Variants in UTP18 observed in about 807,000 individuals in gnomAD.
UTP18 encodes the protein U3 small nucleolar RNA-associated protein 18 homolog.
A neutral mutation model predicts 61.1 loss-of-function variants in UTP18; 36 were observed. The ratio of observed to expected loss-of-function variants is 0.59; its 90% CI spans 0.45 to 0.78. UTP18 has a LOEUF of 0.78. UTP18 is among the 30% of genes least tolerant of loss of function. UTP18 has a pLI of 0.00. For synonymous variants in UTP18, 282 were observed against 251.1 expected (o/e 1.12, Z -1.16); for missense variants, 753 against 693.9 (o/e 1.09, Z -0.96).
At chr17:51,260,992 C>T (rs1486944709) in intron 1 of UTP18, 66 bp downstream of exon 1, 1 of 1,341,950 alleles carries the variant, frequency 7.5e-7, no homozygotes, top group Non-Finnish European at 9.6e-7. Context: ...CGGTGAAGCT[C>T]CGGGGGGCGG....
At chr17:51,271,689 A>G (rs2144405615) in intron 4 of UTP18, among the ~76,000 whole-genome samples, 1 of 152,122 alleles carries the variant, frequency 6.6e-6, no homozygotes, top group Admixed American at 6.5e-5. Flanking sequence ...TTATTTTTTG[A>G]GTTAGTCTTG....
At chr17:51,295,655 T>G (rs1006507719) in intron 12 of UTP18, among the ~76,000 whole-genome samples, 2 of 152,346 alleles carry the variant, frequency 1.3e-5, no homozygotes, top group East Asian at 1.9e-4. Context: ...CTTTGTTCTT[T>G]TGGCTTAGGA....
At chr17:51,284,109 A>G (rs565553305) in intron 9 of UTP18, among the ~76,000 whole-genome samples, 2 of 152,246 alleles carry the variant, frequency 1.3e-5, no homozygotes, top group Non-Finnish European at 2.9e-5. Context: ...GATCCTATTC[A>G]GTTTTCCCAA....
chr17:51,278,717 C>T (rs373205291), intron 7 of UTP18, among the ~76,000 whole-genome samples: 17 of 152,310 alleles, frequency 1.1e-4, no homozygotes, highest in Admixed American at 4.6e-4. Flanking sequence ...TACCTCATCA[C>T]GTAATGATAT....
chr17:51,291,667 G>A (rs779845450), intron 11 of UTP18, among the ~76,000 whole-genome samples: 5 of 151,902 alleles, frequency 3.3e-5, no homozygotes, highest in Admixed American at 6.6e-5. Context: ...CCCAAGAGGC[G>A]GAGGTTACAG....
intron 10 of UTP18, among the ~76,000 whole-genome samples, chr17:51,285,588 T>G (rs1207549430): frequency 3.3e-5 from 5 of 152,238 alleles, no homozygotes; most frequent in Admixed American, 3.3e-4. Context: ...TTTCACTGTT[T>G]GTGGTTTTAG....
intron 9 of UTP18, 145 bp downstream of exon 9, chr17:51,280,624 C>T (rs1050970988): frequency 5.7e-6 from 4 of 705,604 alleles, no homozygotes; most frequent in South Asian, 1.9e-5. Context: ...ATCAGCCTGG[C>T]CAACATGGTA....
In UTP18 at chr17:51,260,873, G is replaced by T. The variant is rs774089194; in HGVS notation, c.289G>T (p.Gly97Cys). 3 of 1,601,624 alleles carry T rather than the reference G, an allele frequency of 1.9e-6. No individual in the cohort carries two copies. The African/African-American group carries it at 4.0e-5, about 22-fold the overall frequency. ...VERCLEELVF[G>C]DVENDEDALL... ...GCGGTGCTTGGAGGAGCTGGTCTTC[G>T]GCGACGTCGAGAACGACGAGGACGC... Residue 97 changes from glycine (G) to cysteine (C), a missense_variant, in exon 1 of 14, where the codon GGC becomes TGC. Transcript: ENST00000225298.
rs766635231 is a variant in UTP18 at position 51,268,007 on chromosome 17, G to GTTTTT, written c.555-828_555-824dup. ...ACCAGTTGTTGTTTTTTTGTTTTTT[G>GTTTTT]TTTTTTGTTTTTTTTTTTTTGAGAT... On this transcript the variant is annotated intron_variant, in intron 3 of 13. Transcript: ENST00000225298. 4.4e-4 allele frequency among the ~76,000 whole-genome samples: 58 copies of GTTTTT among 130,566 alleles called. 5 individuals are homozygous for GTTTTT. Among genetic ancestry groups the GTTTTT allele is most frequent in the African/African-American group, 1.2e-3 (39 of 33,040 alleles). The allele number at this position is 130,566 out of a possible 152,430, so 85.7% of individuals were successfully genotyped here.
At position 51,260,923 on chromosome 17, in the gene UTP18, G is replaced by A. The variant is rs1253949192; in HGVS notation, c.339G>A (p.Pro113=). ...CGTTGCTGCGGCGTCTGCGAGGCCC[G>A]AGGGTGAGGGAGGCCGCGGCGCGCG... ...EDALLRRLRG[P]RVQEHEDSGD... Residue 113 remains proline (P), a synonymous_variant, in exon 1 of 14, where the codon CCG becomes CCA. Coordinates refer to ENST00000225298, the MANE Select transcript of UTP18 (RefSeq NM_016001.3). 7 of 1,553,936 alleles carry A rather than the reference G, an allele frequency of 4.5e-6. No homozygotes were observed. The highest frequency in any genetic ancestry group is 6.1e-6 in the Non-Finnish European group (7 of 1,154,302).
Position 51,294,019 on chromosome 17 carries a change from T to G in UTP18, c.1620T>G (p.Asn540Lys). 3 of 1,609,394 alleles carry G rather than the reference T, an allele frequency of 1.9e-6. No homozygotes were observed. Among genetic ancestry groups the G allele is most frequent in the Non-Finnish European group, 2.5e-6 (3 of 1,178,052 alleles). ...GAAGTGGATACTTTGCCTTGGGGAA[T>G]GAAAAGGGCAAGGCCCTGATGTATA... Reference protein sequence around the residue: ...SPRSGYFALGNEKGKALMYRL... With the variant: ...SPRSGYFALGKEKGKALMYRL... The change falls in exon 12 of 14, where the codon AAT becomes AAG. Residue 540 changes from asparagine to lysine, a missense_variant. Coordinates refer to ENST00000225298, the MANE Select transcript of UTP18 (RefSeq NM_016001.3).
chr17:51,289,398 G>A (rs1327464352), intron 11 of UTP18, among the ~76,000 whole-genome samples: 10 of 147,734 alleles, frequency 6.8e-5, no homozygotes, highest in Admixed American at 4.7e-4. Context: ...AAGTAGAGAC[G>A]GGGTTTCACC....
In UTP18 at chr17:51,266,268, G is replaced by T; in HGVS notation, c.542G>T (p.Arg181Ile). 1.3e-6 allele frequency: 2 copies of T among 1,595,796 alleles called. No individual in the cohort carries two copies. Among genetic ancestry groups the T allele is most frequent in the East Asian group, 2.3e-5 (1 of 43,804 alleles). ...SKLSKDNLKKRLKEEFQHAMG... is the reference protein window; with the variant it reads ...SKLSKDNLKKILKEEFQHAMG... ...CTTTCGAAAGACAACCTTAAAAAGAGACTTAAAGAAGAGTAAGTGTCTTTT... is the reference window on the plus strand; with the variant it reads ...CTTTCGAAAGACAACCTTAAAAAGATACTTAAAGAAGAGTAAGTGTCTTTT... The change falls in exon 3 of 14, where the codon AGA becomes ATA. Residue 181 changes from arginine (R) to isoleucine (I), a missense_variant. Arg to Ile is a moderately conservative substitution (Grantham distance 97). Coordinates refer to ENST00000225298, the MANE Select transcript of UTP18 (RefSeq NM_016001.3).
intron 5 of UTP18, 149 bp from the exon 6 acceptor site, chr17:51,275,717 T>G: frequency 1.2e-6 from 1 of 847,206 alleles, no homozygotes; most frequent in Non-Finnish European, 1.6e-6. Flanking sequence ...TTTTTTTGTT[T>G]TTTGTTTTTT....
chr17:51,268,202 A>G (rs1160967343), intron 3 of UTP18, among the ~76,000 whole-genome samples: 2 of 151,698 alleles, frequency 1.3e-5, no homozygotes, highest in African/African-American at 4.8e-5. Context: ...ATTTTTTTGT[A>G]TTTTTAGTAG....
chr17:51,297,048 AC>A, intron 13 of UTP18, 45 bp downstream of exon 13: 4 of 1,521,782 alleles, frequency 2.6e-6, no homozygotes, highest in Non-Finnish European at 2.7e-6. Flanking sequence ...TTTAAGATAC[AC>A]CCATTGCTGT....
At chr17:51,296,892 C>T in intron 12 of UTP18, 73 bp from the exon 13 acceptor site, 1 of 1,434,372 alleles carries the variant, frequency 7.0e-7, no homozygotes, top group Non-Finnish European at 9.5e-7. Flanking sequence ...CCTAAGTGCC[C>T]TTCTGTGATC....
chr17:51,277,655 CCT>C (rs1336711280), intron 7 of UTP18, among the ~76,000 whole-genome samples: 8 of 152,152 alleles, frequency 5.3e-5, no homozygotes, highest in Non-Finnish European at 8.8e-5. Flanking sequence ...AACTGTTTCA[CCT>C]CTCTGATCTT....
chr17:51,261,543 C>T (rs965922603), intron 1 of UTP18, among the ~76,000 whole-genome samples: 20 of 152,016 alleles, frequency 1.3e-4, no homozygotes, highest in African/African-American at 4.6e-4. Flanking sequence ...GAGAGAGTCC[C>T]GGACATTGTT....
Sources: gnomAD v4.1 joint callset for allele counts (sites outside exome capture counted in the v4.1 genomes callset) on GRCh38, gnomAD v4.1.1 for gene constraint, MANE v1.5 for transcripts, NCBI Gene and HGNC (gene_info 2026-07-23, HGNC 2026-07-21) for gene names.